The following SINHCAF variants were observed in gnomAD, a reference collection of about 807,000 sequenced individuals.
SINHCAF encodes the protein SIN3-HDAC complex-associated factor.
SINHCAF carries 3 observed loss-of-function variants against 25.8 expected under a neutral mutation model. That is an observed-to-expected ratio of 0.12 (90% CI 0.05 to 0.30). SINHCAF has a LOEUF of 0.30. SINHCAF is among the 10% of genes least tolerant of loss of function. The probability of loss-of-function intolerance (pLI) is 1.00; values close to 1 mark genes in which losing one functional copy is unlikely to be tolerated. For synonymous variants in SINHCAF, 70 were observed against 85.5 expected (o/e 0.82, Z 1.00); for missense variants, 121 against 262.3 (o/e 0.46, Z 3.72).
At chr12:31,316,257 G>T (rs1302563631) in intron 1 of SINHCAF, among the ~76,000 whole-genome samples, 1 of 151,518 alleles carries the variant, frequency 6.6e-6, no homozygotes. Context: ...AAGATTAAAG[G>T]TAATAGCTAA....
At chr12:31,292,870 T>C (rs950657353) in intron 4 of SINHCAF, among the ~76,000 whole-genome samples, 1 of 152,186 alleles carries the variant, frequency 6.6e-6, no homozygotes, top group Non-Finnish European at 1.5e-5. Flanking sequence ...CATGTCTTGA[T>C]TGATAATGTT....
rs1212891475 is a variant in SINHCAF, at chr12:31,280,801, G to A, written c.*1911C>T. ...TAGTAATAAATAAATAAATACAGAA[G>A]TAGAGATGATCCATATTATAGTATA... On this transcript the variant is annotated 3_prime_UTR_variant, in exon 6 of 6. Transcript: ENST00000337682. 1.3e-5 allele frequency: 2 copies of A among 152,296 alleles called. No homozygotes were observed. Among genetic ancestry groups the A allele is most frequent in the Non-Finnish European group, 2.9e-5 (2 of 68,010 alleles). The allele number at this position is 152,296 out of a possible 1,614,324, so 9.4% of individuals were successfully genotyped here.
rs372793162 is a variant in SINHCAF, at chr12:31,285,414, T to C, written c.506+2220A>G. Among the ~76,000 whole-genome samples the C allele has an allele frequency of 2.6e-3, 113 of 43,966 alleles. 3 individuals carry two copies. The highest frequency in any genetic ancestry group is 7.7e-3 in the African/African-American group (108 of 13,956). 28.8% of individuals were successfully genotyped at this position (43,966 alleles called of 152,430 possible). A position where few individuals can be genotyped will look rare whatever the true frequency, so the allele number is the denominator to read the frequency against. On this transcript the variant is annotated intron_variant, in intron 5 of 5. Coordinates refer to ENST00000337682, the MANE Select transcript of SINHCAF (RefSeq NM_001135812.2). ...CAACATAGACATATATTTATATATA[T>C]ACATACACACACACACACACACACA...
intron 1 of SINHCAF, among the ~76,000 whole-genome samples, chr12:31,307,968 A>G (rs1300747099): frequency 1.3e-5 from 2 of 152,012 alleles, no homozygotes; most frequent in African/African-American, 2.4e-5. Context: ...AAAAACAACA[A>G]CAACAGACTC....
rs995545304 is a variant in SINHCAF, at chr12:31,325,293, G to A, written c.-21+731C>T. 2 of 451,796 alleles carry A rather than the reference G, an allele frequency of 4.4e-6. No individual in the cohort carries two copies. Among genetic ancestry groups the A allele is most frequent in the Non-Finnish European group, 8.9e-6 (2 of 225,160 alleles). 28.0% of individuals were successfully genotyped at this position (451,796 alleles called of 1,614,324 possible). On this transcript the variant is annotated intron_variant, in intron 1 of 5. Transcript: ENST00000337682. The surrounding 1 kb of genome is among the most constrained non-coding windows in gnomAD (Gnocchi z 5.9). ...AGGCTCTTGGGCGCGGTCCGAAGAGGGCAGGCGAGTGGAAGACGGGCTGTT... is the reference window on the plus strand; with the variant it reads ...AGGCTCTTGGGCGCGGTCCGAAGAGAGCAGGCGAGTGGAAGACGGGCTGTT...
rs191918025 is a variant in SINHCAF at position 31,295,059 on chromosome 12, T to G, written c.228+175A>C. 1.4e-4 allele frequency among the ~76,000 whole-genome samples: 21 copies of G among 152,318 alleles called. No individual in the cohort carries two copies. The East Asian group carries it at 3.9e-3, about 28-fold the overall frequency. ...AAGGAAATGCCACACCAGGCTATTC[T>G]GTTCTAAAGATGCCAAAATGTTAGG... On this transcript the variant is annotated intron_variant, in intron 3 of 5. Transcript: ENST00000337682.
chr12:31,314,389 G>C (rs1287659991), intron 1 of SINHCAF, among the ~76,000 whole-genome samples: 1 of 152,030 alleles, frequency 6.6e-6, no homozygotes, highest in Non-Finnish European at 1.5e-5. Flanking sequence ...AGCCGGGCGT[G>C]GTGGCGGGCG....
At chr12:31,317,254 A>G (rs1939529408) in intron 1 of SINHCAF, among the ~76,000 whole-genome samples, 1 of 152,126 alleles carries the variant, frequency 6.6e-6, no homozygotes, top group African/African-American at 2.4e-5. Flanking sequence ...CCCAAATGAA[A>G]CTATCCTTAA....
intron 1 of SINHCAF, among the ~76,000 whole-genome samples, chr12:31,305,493 T>G (rs566084265): frequency 1.3e-5 from 2 of 152,096 alleles, no homozygotes; most frequent in Non-Finnish European, 2.9e-5. Context: ...GATCAAAGGT[T>G]GAGCAATACC....
chr12:31,324,002 G>C lies in SINHCAF; in HGVS notation c.-21+2022C>G. Reference sequence around the variant, plus strand: ...CGGTGACTGCCGAGAGAGACGCCGAGCCAGCAAGTAAGAATGCTCCCTGGT... The same window carrying C: ...CGGTGACTGCCGAGAGAGACGCCGACCCAGCAAGTAAGAATGCTCCCTGGT... On this transcript the variant is annotated intron_variant, in intron 1 of 5. Coordinates refer to ENST00000337682, the MANE Select transcript of SINHCAF (RefSeq NM_001135812.2). The surrounding 1 kb of genome is among the most constrained non-coding windows in gnomAD (Gnocchi z 5.5). 2.2e-6 allele frequency: 1 copy of C among 455,672 alleles called. No individual in the cohort carries two copies. Among genetic ancestry groups the C allele is most frequent in the Non-Finnish European group, 4.4e-6 (1 of 226,790 alleles). 28.2% of individuals were successfully genotyped at this position (455,672 alleles called of 1,614,324 possible).
At chr12:31,286,732 A>T (rs1938095996) in intron 5 of SINHCAF, among the ~76,000 whole-genome samples, 1 of 152,076 alleles carries the variant, frequency 6.6e-6, no homozygotes, top group African/African-American at 2.4e-5. Context: ...TGTTCAAACC[A>T]ATCTTACATA....
At chr12:31,320,462 C>G (rs973418125) in intron 1 of SINHCAF, among the ~76,000 whole-genome samples, 1 of 152,182 alleles carries the variant, frequency 6.6e-6, no homozygotes, top group Admixed American at 6.5e-5. Flanking sequence ...ATTATCTCCT[C>G]TACTCAATAG....
intron 5 of SINHCAF, among the ~76,000 whole-genome samples, chr12:31,286,662 C>CAAAA (rs999169211): frequency 1.1e-4 from 6 of 55,220 alleles, no homozygotes; most frequent in African/African-American, 2.4e-4. Context: ...AACTCCGTCT[C>CAAAA]AAAAAAAAAA....
chr12:31,323,522 C>T (rs372066897), intron 1 of SINHCAF, among the ~76,000 whole-genome samples: 1 of 152,122 alleles, frequency 6.6e-6, no homozygotes, highest in South Asian at 2.1e-4. Context: ...CCCTGTTTAA[C>T]TCAAGAGTAA....
intron 2 of SINHCAF, chr12:31,297,044 T>C (rs1482351296): frequency 2.4e-6 from 1 of 424,426 alleles, no homozygotes. Context: ...AGACATTGTC[T>C]CTTTAAAAAA....
At chr12:31,318,102 C>T (rs556681412) in intron 1 of SINHCAF, among the ~76,000 whole-genome samples, 1 of 152,330 alleles carries the variant, frequency 6.6e-6, no homozygotes, top group East Asian at 1.9e-4. Flanking sequence ...CATTTAAGTA[C>T]AGCATCCAGT....
At chr12:31,321,808 T>C (rs1036362114) in intron 1 of SINHCAF, among the ~76,000 whole-genome samples, 4 of 152,168 alleles carry the variant, frequency 2.6e-5, no homozygotes, top group African/African-American at 9.6e-5. Context: ...GCATGGTAAA[T>C]TGATTAATTT....
At chr12:31,310,177 A>C (rs947143664) in intron 1 of SINHCAF, among the ~76,000 whole-genome samples, 1 of 152,188 alleles carries the variant, frequency 6.6e-6, no homozygotes, top group Non-Finnish European at 1.5e-5. Flanking sequence ...CTTGGGAGGA[A>C]GCCAAACCCA....
intron 1 of SINHCAF, among the ~76,000 whole-genome samples, chr12:31,298,676 T>C (rs1260430241): frequency 1.7e-4 from 26 of 152,204 alleles, no homozygotes; most frequent in Admixed American, 1.7e-3. Context: ...GAATACTATT[T>C]GATACTAAGC....
Sources: allele counts gnomAD v4.1 joint callset (sites outside exome capture counted in the v4.1 genomes callset), GRCh38; gene constraint gnomAD v4.1.1; non-coding constraint Gnocchi (gnomAD v3.1); transcripts MANE v1.5; gene names NCBI Gene and HGNC (gene_info 2026-07-23, HGNC 2026-07-21).